The following ABAT variants were observed in gnomAD, a reference collection of about 807,000 sequenced individuals.
The protein encoded by ABAT is 4-aminobutyrate aminotransferase, also known as 4-aminobutyrate aminotransferase, mitochondrial.
In ABAT, 45 loss-of-function variants were observed where a neutral mutation model predicts 64.6. That is an observed-to-expected ratio of 0.70 (90% CI 0.55 to 0.89). ABAT has a LOEUF of 0.89. Among genes scored for constraint, ABAT ranks in the 40% least tolerant of loss-of-function variants. The probability of loss-of-function intolerance (pLI) is 0.00; values close to 1 mark genes in which losing one functional copy is unlikely to be tolerated. For synonymous variants in ABAT, 297 were observed against 250.5 expected, an observed-to-expected ratio of 1.19 and a Z score of -1.75; for missense variants, 633 against 658.4, an observed-to-expected ratio of 0.96 and a Z score of 0.42.
At chr16:8,731,361 T>A (rs897516697) in intron 1 of ABAT, 28 of 152,334 alleles carry the variant, frequency 1.8e-4, no homozygotes, top group African/African-American at 6.5e-4. Flanking sequence ...AGAAATTCTT[T>A]ATATTCCAAA....
In ABAT at chr16:8,776,403, G is replaced by A. The variant is rs2060263857; in HGVS notation, c.1182G>A (p.Glu394=). ...GDPSKNLLLA[E]VINIIKREDL... is the part of the protein sequence containing the mutation. ...CGTCCAAGAACCTGTTGCTGGCTGA[G>A]GTCATCAACATCATCAAGCGGGAGG... Residue 394 remains glutamate, a synonymous_variant, in exon 14 of 16, where the codon GAG becomes GAA. Transcript: ENST00000268251. The surrounding 1 kb of genome is among the most constrained non-coding windows in gnomAD (Gnocchi z 4.4). 1.9e-6 allele frequency: 3 copies of A among 1,614,114 alleles called. No individual in the cohort carries two copies.
chr16:8,706,728 A>C (rs2057954045), intron 1 of ABAT, among the ~76,000 whole-genome samples: 1 of 152,220 alleles, frequency 6.6e-6, no homozygotes, highest in Non-Finnish European at 1.5e-5. Context: ...AAAGATACTC[A>C]TGCAAATAAA....
intron 12 of ABAT, among the ~76,000 whole-genome samples, 186 bp downstream of exon 12, chr16:8,773,103 T>TACAC (rs1354262302): frequency 3.1e-4 from 16 of 51,418 alleles, no homozygotes; most frequent in African/African-American, 9.1e-4. Context: ...TCCCTAAAAC[T>TACAC]ATACACACAC....
chr16:8,759,979 T>C (rs1409412237), intron 6 of ABAT: 1 of 152,272 alleles, frequency 6.6e-6, no homozygotes, highest in Non-Finnish European at 1.5e-5. Flanking sequence ...TGTATCCTCA[T>C]GGCTTTAGAG....
At chr16:8,738,781 A>T (rs1250770310) in intron 2 of ABAT, among the ~76,000 whole-genome samples, 1 of 151,724 alleles carries the variant, frequency 6.6e-6, no homozygotes, top group African/African-American at 2.4e-5. Flanking sequence ...AGTAGCTGGG[A>T]TTACAGGCAC....
intron 5 of ABAT, among the ~76,000 whole-genome samples, chr16:8,751,459 G>T (rs1404462501): frequency 6.6e-6 from 1 of 152,130 alleles, no homozygotes; most frequent in Admixed American, 6.6e-5. Flanking sequence ...AAAGGAAACA[G>T]CCTGGGGCAG....
At position 8,735,820 on chromosome 16, in the gene ABAT, G is replaced by T. The variant is rs774967432; in HGVS notation, c.70+11G>T. On this transcript the variant is annotated intron_variant, in intron 2 of 15. Coordinates refer to ENST00000268251, the MANE Select transcript of ABAT (RefSeq NM_020686.6). The stretch of plus-strand genomic sequence containing the variant: ...GCCTGCTGGTGCCTGGTAAGCCCCG[G>T]GGGTCTTGATAAGAACTGGTACTAA... The T allele has an allele frequency of 6.3e-7, 1 of 1,595,506 alleles. No individual in the cohort carries two copies. The highest frequency in any genetic ancestry group is 1.7e-5 in the Admixed American group (1 of 57,504).
At chr16:8,780,573 C>T in intron 15 of ABAT, 1 of 155,896 alleles carries the variant, frequency 6.4e-6, no homozygotes, top group Non-Finnish European at 1.4e-5. Context: ...ACCAGCCTGG[C>T]CAACGGGGCA....
chr16:8,711,728 A>ATGAC (rs1567279739), intron 1 of ABAT, among the ~76,000 whole-genome samples: 2 of 93,114 alleles, frequency 2.1e-5, no homozygotes, highest in Non-Finnish European at 4.6e-5. Flanking sequence ...GGATGGGAAG[A>ATGAC]TGGATGGGTG....
intron 11 of ABAT, 104 bp downstream of exon 11, chr16:8,769,077 T>A: frequency 6.6e-7 from 1 of 1,505,902 alleles, no homozygotes; most frequent in Non-Finnish European, 9.2e-7. Context: ...TATCTGGGGA[T>A]CTGTGCAGTG....
At chr16:8,744,768 C>A (rs796336432) in intron 2 of ABAT, among the ~76,000 whole-genome samples, 4 of 151,570 alleles carry the variant, frequency 2.6e-5, no homozygotes, top group Admixed American at 2.0e-4. Flanking sequence ...CTTGGGAGGC[C>A]GAGGCAGGAG....
In ABAT at chr16:8,781,857, T is replaced by C; in HGVS notation, c.*427T>C. On this transcript the variant is annotated 3_prime_UTR_variant, in exon 16 of 16. Coordinates refer to ENST00000268251, the MANE Select transcript of ABAT (RefSeq NM_020686.6). This position sits in a 1 kb window ranked among gnomAD's most constrained non-coding sequence, Gnocchi z 4.5. ...ATATTCTGTGATCACGGATGTTGGC[T>C]CCCCCTCGCCCTATGCAAGCAAACA... 3 of 338,354 alleles carry C rather than the reference T, an allele frequency of 8.9e-6. No homozygotes were observed. Among genetic ancestry groups the C allele is most frequent in the Admixed American group, 4.0e-5 (1 of 24,734 alleles). 21.0% of individuals were successfully genotyped at this position (338,354 alleles called of 1,614,324 possible). A position where few individuals can be genotyped will look rare whatever the true frequency, so the allele number is the denominator to read the frequency against.
chr16:8,735,614 A>G, intron 1 of ABAT, 85 bp from the exon 2 acceptor site: 2 of 1,068,038 alleles, frequency 1.9e-6, no homozygotes, highest in South Asian at 2.7e-5. Flanking sequence ...TTTCTCTATT[A>G]GGTGGGAAGT....
chr16:8,752,033 C>T (rs537756907), intron 5 of ABAT, among the ~76,000 whole-genome samples: 57 of 152,048 alleles, frequency 3.7e-4, no homozygotes, highest in African/African-American at 1.3e-3. Flanking sequence ...CAGAAGAGCC[C>T]GGGGCATCCT....
intron 11 of ABAT, among the ~76,000 whole-genome samples, chr16:8,770,858 A>T (rs1025922397): frequency 6.6e-6 from 1 of 152,214 alleles, no homozygotes; most frequent in East Asian, 1.9e-4. Context: ...ATTTTTAAAC[A>T]ATGTGATTTT....
rs55678780 is a variant in ABAT at position 8,737,920 on chromosome 16, T to TAA, written c.70+2124_70+2125dup. Reference sequence around the variant, plus strand: ...TTCAGCCTGGGCAACAGACTGAGATTAAAAAAAAAAAAAAGAAAGGAAAGG... The same window carrying TAA: ...TTCAGCCTGGGCAACAGACTGAGATTAAAAAAAAAAAAAAAAGAAAGGAAAGG... On this transcript the variant is annotated intron_variant, in intron 2 of 15. Coordinates refer to ENST00000268251, the MANE Select transcript of ABAT (RefSeq NM_020686.6). 6.6e-4 allele frequency among the ~76,000 whole-genome samples: 46 copies of TAA among 69,652 alleles called. 3 individuals are homozygous for TAA. Among genetic ancestry groups the TAA allele is most frequent in the South Asian group, 1.9e-3 (3 of 1,578 alleles). 45.7% of individuals were successfully genotyped at this position (69,652 alleles called of 152,430 possible). A position where few individuals can be genotyped will look rare whatever the true frequency, so the allele number is the denominator to read the frequency against.
chr16:8,776,895 TTTTA>T lies in ABAT; in HGVS notation c.1269+409_1269+412del, dbSNP rs1218514326. On this transcript the variant is annotated intron_variant, in intron 14 of 15. Transcript: ENST00000268251. This position sits in a 1 kb window ranked among gnomAD's most constrained non-coding sequence, Gnocchi z 4.4. ...TATCTTTCTTATTTATTTTATTTTA[TTTTA>T]TTTGTCTATTTATTTTTTGAGACCA... 2.0e-5 allele frequency among the ~76,000 whole-genome samples: 3 copies of T among 151,572 alleles called. No individual in the cohort carries two copies. Among genetic ancestry groups the T allele is most frequent in the East Asian group, 1.9e-4 (1 of 5,148 alleles).
chr16:8,721,903 A>G (rs760184370), intron 1 of ABAT, among the ~76,000 whole-genome samples: 1 of 152,262 alleles, frequency 6.6e-6, no homozygotes, highest in African/African-American at 2.4e-5. Flanking sequence ...AGAGCTCACT[A>G]TCTGGCTAGA....
intron 1 of ABAT, among the ~76,000 whole-genome samples, chr16:8,698,736 G>A (rs1434458074): frequency 6.6e-6 from 1 of 152,146 alleles, no homozygotes; most frequent in African/African-American, 2.4e-5. Context: ...CGTGAGGTCA[G>A]GAGTTCAAGA....
Sources: gnomAD v4.1 joint callset for allele counts (sites outside exome capture counted in the v4.1 genomes callset) on GRCh38, gnomAD v4.1.1 for gene constraint, Gnocchi (gnomAD v3.1) non-coding constraint, MANE v1.5 for transcripts, NCBI Gene and HGNC (gene_info 2026-07-23, HGNC 2026-07-21) for gene names.